The following PCDHA3 variants were observed in gnomAD, a reference collection of about 807,000 sequenced individuals.
PCDHA3 encodes protocadherin alpha 3.
In PCDHA3, 41 loss-of-function variants were observed where a neutral mutation model predicts 62.2. The ratio of observed to expected loss-of-function variants is 0.66; its 90% confidence interval spans 0.51 to 0.86. The LOEUF (loss-of-function observed/expected upper bound fraction) is 0.86. PCDHA3 is among the 40% of genes least tolerant of loss of function. The pLI is 0.00. For synonymous variants in PCDHA3, 640 were observed against 555.4 expected, an observed-to-expected ratio of 1.15 and a Z score of -2.14; for missense variants, 1,304 against 1,241.2, an observed-to-expected ratio of 1.05 and a Z score of -0.76.
At chr5:140,880,198 G>C (rs1360437780) in intron 1 of PCDHA3, among the ~76,000 whole-genome samples, 1 of 152,164 alleles carries the variant, frequency 6.6e-6, no homozygotes, top group Non-Finnish European at 1.5e-5. Flanking sequence ...ATAAACAGAA[G>C]AGGTTTTCCA....
At chr5:140,866,711 G>A (rs1554160494) in intron 1 of PCDHA3, 1 of 152,110 alleles carries the variant, frequency 6.6e-6, no homozygotes, top group African/African-American at 2.4e-5. Flanking sequence ...ACGTGCACTA[G>A]TAAGACATTA....
intron 1 of PCDHA3, chr5:140,807,072 A>G (rs4151680): frequency 0.54 from 630,909 of 1,172,510 alleles, 171,587 homozygotes; most frequent in African/African-American, 0.7. Flanking sequence ...GGAACCATAT[A>G]CACTCTTTGG....
Position 140,802,954 on chromosome 5 carries a change from G to C in PCDHA3, c.1757G>C (p.Gly586Ala). 1 of 1,613,930 alleles carries C rather than the reference G, an allele frequency of 6.2e-7. No homozygotes were observed. Among genetic ancestry groups the C allele is most frequent in the Non-Finnish European group, 8.5e-7 (1 of 1,179,902 alleles). Residue 586 changes from glycine (G) to alanine (A), a missense_variant, in exon 1 of 4, where the codon GGT (glycine) becomes GCT (alanine). Coordinates refer to ENST00000522353, the MANE Select transcript of PCDHA3 (RefSeq NM_018906.3). ...AGCGAGCTGGTGCCGCGGTCAGTGGGTGCGGGCCACGTGGTAGCGAAGGTG... is the reference window on the plus strand; with the variant it reads ...AGCGAGCTGGTGCCGCGGTCAGTGGCTGCGGGCCACGTGGTAGCGAAGGTG... ...AVSELVPRSV[G>A]AGHVVAKVRA...
intron 1 of PCDHA3, chr5:140,883,056 A>G (rs1554176597): frequency 6.2e-7 from 1 of 1,614,176 alleles, no homozygotes; most frequent in Admixed American, 1.7e-5. Context: ...TTAGTGATCA[A>G]GCTAAATGCC....
chr5:140,875,949 T>G (rs1306170767), intron 1 of PCDHA3: 3 of 1,614,214 alleles, frequency 1.9e-6, no homozygotes, highest in East Asian at 4.5e-5. Flanking sequence ...GCGCTTCTGA[T>G]GCGGATATCG....
chr5:140,909,437 C>T (rs2074495257), intron 1 of PCDHA3, among the ~76,000 whole-genome samples: 1 of 152,198 alleles, frequency 6.6e-6, no homozygotes, highest in African/African-American at 2.4e-5. Flanking sequence ...TGATAATCCA[C>T]TGTCATTCTC....
At chr5:140,850,765 G>A (rs2150497510) in intron 1 of PCDHA3, 1 of 1,598,120 alleles carries the variant, frequency 6.3e-7, no homozygotes, top group Admixed American at 1.7e-5. Flanking sequence ...AGGAGGCAGA[G>A]GGTGTGCTCT....
intron 1 of PCDHA3, chr5:140,848,263 A>C: frequency 2.1e-6 from 1 of 484,676 alleles, no homozygotes; most frequent in Non-Finnish European, 3.6e-6. Context: ...TGAAATTTTT[A>C]TTCATGAAAT....
chr5:140,924,704 G>A (rs6883852), intron 1 of PCDHA3, among the ~76,000 whole-genome samples: 1 of 152,052 alleles, frequency 6.6e-6, no homozygotes, highest in Non-Finnish European at 1.5e-5. Flanking sequence ...AGACCAGCTT[G>A]TGCAACATGG....
intron 1 of PCDHA3, chr5:140,828,176 G>A (rs2150151842): frequency 3.1e-6 from 5 of 1,614,128 alleles, no homozygotes; most frequent in Non-Finnish European, 3.4e-6. Flanking sequence ...GGTGGGGAGC[G>A]GCCAGCTCCA....
At chr5:140,804,857 G>A (rs13157397) in intron 1 of PCDHA3, 276,737 of 526,272 alleles carry the variant, frequency 0.53, 73,313 homozygotes, top group Middle Eastern at 0.58. Context: ...GGTCTAACAC[G>A]TAAAATAGAT....
chr5:140,843,319 G>A lies in PCDHA3; in HGVS notation c.2394+39728G>A, dbSNP rs1554139952. On this transcript the variant is annotated intron_variant, in intron 1 of 3. Coordinates refer to ENST00000522353, the MANE Select transcript of PCDHA3 (RefSeq NM_018906.3). The stretch of plus-strand genomic sequence containing the variant: ...CGCTGACCGCCACGGCCACGGTTCT[G>A]GTGTCGCTGGTGGAGAGCGGCCAGG... The A allele has an allele frequency of 5.6e-6, 9 of 1,595,928 alleles. 2 individuals carry two copies. In the African/African-American group the frequency reaches 1.2e-4, roughly 21 times the overall value.
intron 1 of PCDHA3, chr5:140,968,523 A>G (rs1441549667): frequency 8.1e-6 from 13 of 1,613,762 alleles, no homozygotes; most frequent in African/African-American, 1.3e-5. Flanking sequence ...ACCTCAACCA[A>G]CTCGTCAGCA....
intron 1 of PCDHA3, chr5:140,870,462 G>C: frequency 1.2e-6 from 2 of 1,614,196 alleles, no homozygotes; most frequent in Non-Finnish European, 1.7e-6. Flanking sequence ...ATGCGCCTGC[G>C]TTCGCACAGC....
rs1161459762 is a variant in PCDHA3, at chr5:140,884,196, C to A, written c.2394+80605C>A. 1.9e-6 allele frequency: 3 copies of A among 1,613,298 alleles called. No homozygotes were observed. The African/African-American group carries it at 4.0e-5, about 22-fold the overall frequency. On this transcript the variant is annotated intron_variant, in intron 1 of 3. Coordinates refer to ENST00000522353, the MANE Select transcript of PCDHA3 (RefSeq NM_018906.3). ...CGCCCTCTGGACGAGGTGGACGCGCCGCACCACCGCCTTCTGGTGCTGGTG... is the reference window on the plus strand; with the variant it reads ...CGCCCTCTGGACGAGGTGGACGCGCAGCACCACCGCCTTCTGGTGCTGGTG...
At chr5:140,883,459 G>A in intron 1 of PCDHA3, 1 of 1,614,132 alleles carries the variant, frequency 6.2e-7, no homozygotes, top group Non-Finnish European at 8.5e-7. Context: ...CCTTCAAGCT[G>A]GTGTCCACCT....
At chr5:140,941,698 T>C (rs2093148440) in intron 1 of PCDHA3, among the ~76,000 whole-genome samples, 1 of 152,186 alleles carries the variant, frequency 6.6e-6, no homozygotes, top group African/African-American at 2.4e-5. Flanking sequence ...TCTTTGGGCT[T>C]AGCTTTCCTC....
intron 1 of PCDHA3, chr5:140,848,334 A>T: frequency 2.4e-6 from 2 of 850,772 alleles, no homozygotes; most frequent in Non-Finnish European, 3.7e-6. Context: ...CTCTGAATCC[A>T]GACAAATACA....
At chr5:140,862,970 C>T (rs1554157323) in intron 1 of PCDHA3, 4 of 545,310 alleles carry the variant, frequency 7.3e-6, no homozygotes, top group South Asian at 5.5e-5. Context: ...GGATGCAGGC[C>T]ACTTGGTGGC....
Sources: allele counts gnomAD v4.1 joint callset (sites outside exome capture counted in the v4.1 genomes callset), GRCh38; gene constraint gnomAD v4.1.1; transcripts MANE v1.5; gene names NCBI Gene and HGNC (gene_info 2026-07-23, HGNC 2026-07-21).